Variants in ABCD3 observed in about 807,000 individuals in gnomAD.
ABCD3 encodes ATP-binding cassette sub-family D member 3.
ABCD3 carries 41 observed loss-of-function variants against 105.5 expected under a neutral mutation model. The observed-to-expected ratio is 0.39, with a 90% confidence interval of 0.30 to 0.50. The LOEUF is 0.50. ABCD3 is among the 20% of genes least tolerant of loss of function. The pLI, the probability that ABCD3 is intolerant of heterozygous loss-of-function variation, is 0.84. For missense variants in ABCD3, 622 were observed against 806.3 expected (o/e 0.77, Z 2.77); for synonymous variants, 258 against 269.0 (o/e 0.96, Z 0.40).
At chr1:94,505,274 C>T (rs1650295733) in intron 20 of ABCD3, among the ~76,000 whole-genome samples, 1 of 152,008 alleles carries the variant, frequency 6.6e-6, no homozygotes, top group South Asian at 2.1e-4. Flanking sequence ...GATCATAGCT[C>T]ACTACAGCCT....
the ABCD3 span, among the ~76,000 whole-genome samples, chr1:94,391,538 G>A: frequency 6.6e-6 from 1 of 152,066 alleles, no homozygotes; most frequent in Non-Finnish European, 1.5e-5. Context: ...CTTGATACTA[G>A]GAATCTCAAT....
rs1381211636 is a variant in ABCD3 at position 94,418,519 on chromosome 1, C to T, written c.41C>T (p.Ser14Leu). ...AAGTACTTGACGGCGCGAAACTCCT[C>T]GCTGGCTGGTGCCGCGTTCCTGCTG... ...FSKYLTARNS[S>L]LAGAAFLLLC... Residue 14 changes from serine to leucine, a missense_variant, in exon 1 of 23, where the codon TCG becomes TTG. Physicochemically the swap from Ser to Leu is moderately radical, Grantham distance 145. Transcript: ENST00000370214. 9 of 1,605,732 alleles carry T rather than the reference C, an allele frequency of 5.6e-6. No homozygotes were observed. Among genetic ancestry groups the T allele is most frequent in the Non-Finnish European group, 6.8e-6 (8 of 1,179,220 alleles).
chr1:94,501,154 G>A (rs962204714), intron 20 of ABCD3, among the ~76,000 whole-genome samples: 1 of 151,852 alleles, frequency 6.6e-6, no homozygotes, highest in African/African-American at 2.4e-5. Context: ...CCAGAGCAGT[G>A]GGGGGCTGAG....
chr1:94,438,763 C>G (rs374579632), intron 1 of ABCD3, among the ~76,000 whole-genome samples: 4 of 152,068 alleles, frequency 2.6e-5, no homozygotes, highest in African/African-American at 9.7e-5. Context: ...TTTTAAAAAC[C>G]AAGGTATGTC....
In ABCD3 at chr1:94,467,940, G is replaced by A; in HGVS notation, c.268G>A (p.Ala90Thr). 3 of 1,612,982 alleles carry A rather than the reference G, an allele frequency of 1.9e-6. No homozygotes were observed. Among genetic ancestry groups the A allele is most frequent in the Non-Finnish European group, 2.5e-6 (3 of 1,179,222 alleles). ...TTAGACAGGTTACTTGGTACTTATT[G>A]CTGTTATGCTGGTGTCTCGAACATA... Reference protein sequence around the residue: ...CKETGYLVLIAVMLVSRTYCD... With the variant: ...CKETGYLVLITVMLVSRTYCD... Residue 90 changes from alanine (A) to threonine (T), a missense_variant, in exon 4 of 23, where the codon GCT becomes ACT. Ala to Thr is a moderately conservative substitution (Grantham distance 58). This residue lies in a region of ABCD3 where 245 missense variants were observed against 356.4 expected (regional missense o/e 0.69). Transcript: ENST00000370214.
At chr1:94,386,992 A>G in the ABCD3 span, among the ~76,000 whole-genome samples, 2 of 152,240 alleles carry the variant, frequency 1.3e-5, no homozygotes, top group African/African-American at 2.4e-5. Flanking sequence ...CTGCTATAAG[A>G]AGTTTAACTA....
At chr1:94,455,019 G>A (rs963448154) in intron 1 of ABCD3, among the ~76,000 whole-genome samples, 14 of 152,148 alleles carry the variant, frequency 9.2e-5, no homozygotes, top group Non-Finnish European at 1.3e-4. Flanking sequence ...ATTAATATAA[G>A]CATATTCTGG....
At chr1:94,492,435 A>G (rs374427380) in intron 16 of ABCD3, among the ~76,000 whole-genome samples, 2 of 152,202 alleles carry the variant, frequency 1.3e-5, no homozygotes. Context: ...TTAGTTATGC[A>G]AAGTACTTTG....
At chr1:94,428,558 G>T (rs1256982066) in intron 1 of ABCD3, among the ~76,000 whole-genome samples, 1 of 152,120 alleles carries the variant, frequency 6.6e-6, no homozygotes, top group Non-Finnish European at 1.5e-5. Flanking sequence ...GTTGTAGGAG[G>T]GACTGGTGGG....
intron 10 of ABCD3, among the ~76,000 whole-genome samples, chr1:94,484,822 G>C (rs773379813): frequency 5.3e-5 from 8 of 152,116 alleles, no homozygotes; most frequent in Non-Finnish European, 8.8e-5. Context: ...TATTTTTACA[G>C]AGGTTGCTTA....
intron 16 of ABCD3, among the ~76,000 whole-genome samples, chr1:94,496,300 T>G (rs972827670): frequency 1.3e-5 from 2 of 152,222 alleles, no homozygotes; most frequent in African/African-American, 4.8e-5. Context: ...TCTATGAATT[T>G]GACTGCTCTA....
Position 94,481,242 on chromosome 1 carries a change from C to T in ABCD3, c.827+636C>T, listed in dbSNP as rs554361839. Reference sequence around the variant, plus strand: ...CAGTTTTTTATATGGAGCAACTGCTCAATAAATGTTCTCATATATTGATCT... The same window carrying T: ...CAGTTTTTTATATGGAGCAACTGCTTAATAAATGTTCTCATATATTGATCT... On this transcript the variant is annotated intron_variant, in intron 9 of 22. Coordinates refer to ENST00000370214, the MANE Select transcript of ABCD3 (RefSeq NM_002858.4). Among the ~76,000 whole-genome samples, 4 of 152,258 alleles carry T rather than the reference C, an allele frequency of 2.6e-5. No homozygotes were observed. In the South Asian group the frequency reaches 8.3e-4, roughly 32 times the overall value.
At chr1:94,421,216 C>T (rs891909942) in intron 1 of ABCD3, among the ~76,000 whole-genome samples, 2 of 151,996 alleles carry the variant, frequency 1.3e-5, no homozygotes, top group Non-Finnish European at 2.9e-5. Context: ...TGCCTGTCAC[C>T]CCTTATTTTT....
chr1:94,452,526 T>C (rs1647303779), intron 1 of ABCD3, among the ~76,000 whole-genome samples: 2 of 152,196 alleles, frequency 1.3e-5, no homozygotes, highest in Admixed American at 6.5e-5. Flanking sequence ...TGAGTACCAT[T>C]TTATGGAATT....
chr1:94,446,356 G>T (rs1660345978), intron 1 of ABCD3, among the ~76,000 whole-genome samples: 1 of 151,900 alleles, frequency 6.6e-6, no homozygotes, highest in South Asian at 2.1e-4. Flanking sequence ...ACAGGAGTCT[G>T]TGGACCCTTG....
the ABCD3 span, among the ~76,000 whole-genome samples, chr1:94,390,977 C>T: frequency 6.6e-6 from 1 of 152,204 alleles, no homozygotes; most frequent in East Asian, 1.9e-4. Flanking sequence ...GAGCCACGTT[C>T]CTCATATACA....
intron 21 of ABCD3, among the ~76,000 whole-genome samples, chr1:94,510,313 T>G (rs1324812705): frequency 6.6e-6 from 1 of 152,212 alleles, no homozygotes; most frequent in Non-Finnish European, 1.5e-5. Flanking sequence ...AGTGAGTTTC[T>G]TAATCCTGAG....
chr1:94,511,696 T>C (rs1229375052), intron 21 of ABCD3, among the ~76,000 whole-genome samples: 3 of 152,116 alleles, frequency 2.0e-5, no homozygotes, highest in South Asian at 2.1e-4. Context: ...CGTTTCTGTT[T>C]GTTCTTTTTT....
intron 2 of ABCD3, among the ~76,000 whole-genome samples, chr1:94,460,047 G>A (rs368166584): frequency 1.3e-5 from 2 of 152,036 alleles, no homozygotes; most frequent in African/African-American, 4.8e-5. Context: ...TGGCTATTAT[G>A]AATAATAACA....
Sources: allele counts gnomAD v4.1 joint callset (sites outside exome capture counted in the v4.1 genomes callset), GRCh38; gene constraint gnomAD v4.1.1; regional missense constraint gnomAD v4.1.1; transcripts MANE v1.5; gene names NCBI Gene and HGNC (gene_info 2026-07-23, HGNC 2026-07-21).